ZRANB3: variants seen among roughly 807,000 people sequenced by gnomAD.
The protein encoded by ZRANB3 is zinc finger RANBP2-type containing 3.
In ZRANB3, 125 loss-of-function variants were observed where a neutral mutation model predicts 133.8. The observed-to-expected ratio is 0.93, with a 90% CI of 0.81 to 1.08. The LOEUF is 1.08. Among genes scored for constraint, ZRANB3 ranks in the 50% least tolerant of loss-of-function variants. The pLI is 0.00. For synonymous variants in ZRANB3, 387 were observed against 432.7 expected (o/e 0.89, Z 1.31); for missense variants, 1,229 against 1,275.5 (o/e 0.96, Z 0.56).
intron 3 of ZRANB3, among the ~76,000 whole-genome samples, chr2:135,357,994 G>T (rs749690613): frequency 1.9e-4 from 29 of 152,258 alleles, no homozygotes; most frequent in Non-Finnish European, 3.1e-4. Flanking sequence ...TTTACTCATT[G>T]TTGCCCTTAT....
chr2:135,405,385 G>A (rs908138033), intron 2 of ZRANB3, among the ~76,000 whole-genome samples: 1 of 152,024 alleles, frequency 6.6e-6, no homozygotes, highest in Admixed American at 6.6e-5. Context: ...ACTTTAACAT[G>A]CCACTGTCAA....
At chr2:135,518,735 T>C (rs16831776) in intron 1 of ZRANB3, among the ~76,000 whole-genome samples, 149 of 152,310 alleles carry the variant, frequency 9.8e-4, no homozygotes, top group African/African-American at 3.5e-3. Context: ...TCCTGTAACT[T>C]GTAGTTATGG....
intron 3 of ZRANB3, among the ~76,000 whole-genome samples, chr2:135,367,813 T>G (rs554785256): frequency 2.1e-4 from 32 of 152,276 alleles, no homozygotes; most frequent in African/African-American, 7.2e-4. Flanking sequence ...GATAGAGATG[T>G]CCCTTGTTTT....
At chr2:135,382,294 A>C (rs1265828846) in intron 3 of ZRANB3, among the ~76,000 whole-genome samples, 1 of 152,198 alleles carries the variant, frequency 6.6e-6, no homozygotes, top group Non-Finnish European at 1.5e-5. Flanking sequence ...GTTTAGAGAA[A>C]AAAGAATAAA....
intron 2 of ZRANB3, among the ~76,000 whole-genome samples, chr2:135,476,607 A>C (rs1462542107): frequency 6.6e-6 from 1 of 152,174 alleles, no homozygotes; most frequent in Non-Finnish European, 1.5e-5. Context: ...TAATGGTACT[A>C]AACACTAGGT....
intron 8 of ZRANB3, among the ~76,000 whole-genome samples, chr2:135,284,858 T>C (rs1386622990): frequency 1.3e-5 from 2 of 151,754 alleles, no homozygotes; most frequent in East Asian, 3.9e-4. Flanking sequence ...TTTCTTTTTT[T>C]TTTTGAGACA....
chr2:135,387,720 G>T (rs1358027849), intron 3 of ZRANB3, among the ~76,000 whole-genome samples: 2 of 152,152 alleles, frequency 1.3e-5, no homozygotes, highest in African/African-American at 4.8e-5. Flanking sequence ...AATTATGATG[G>T]ACAGGAAGGT....
At chr2:135,521,582 G>T in intron 1 of ZRANB3, among the ~76,000 whole-genome samples, 1 of 152,122 alleles carries the variant, frequency 6.6e-6, no homozygotes, top group Non-Finnish European at 1.5e-5. Context: ...CACTACAGAA[G>T]GTATTGGGTA....
intron 3 of ZRANB3, among the ~76,000 whole-genome samples, chr2:135,364,248 T>C (rs956567068): frequency 6.6e-6 from 1 of 152,154 alleles, no homozygotes; most frequent in Non-Finnish European, 1.5e-5. Flanking sequence ...AAAAAAATCT[T>C]AGCTTTGCCT....
At chr2:135,456,357 G>C (rs1690518370) in intron 2 of ZRANB3, among the ~76,000 whole-genome samples, 1 of 152,194 alleles carries the variant, frequency 6.6e-6, no homozygotes, top group African/African-American at 2.4e-5. Flanking sequence ...CATGTGGGAA[G>C]TGTCTTCTGC....
chr2:135,417,004 A>C (rs1247308711), intron 2 of ZRANB3, among the ~76,000 whole-genome samples: 1 of 152,180 alleles, frequency 6.6e-6, no homozygotes, highest in African/African-American at 2.4e-5. Flanking sequence ...AACCATAAAA[A>C]CCCTAGAAGA....
intron 3 of ZRANB3, among the ~76,000 whole-genome samples, chr2:135,369,715 T>A (rs1018179389): frequency 2.0e-5 from 3 of 152,200 alleles, no homozygotes; most frequent in African/African-American, 7.2e-5. Context: ...AGTCTCAACC[T>A]CAGTTCTGTG....
chr2:135,481,182 A>G (rs993055860), intron 2 of ZRANB3, among the ~76,000 whole-genome samples: 17 of 151,482 alleles, frequency 1.1e-4, no homozygotes, highest in African/African-American at 3.4e-4. Context: ...TCCCTGAGGA[A>G]TCGCCACACT....
chr2:135,467,153 T>A (rs1404761903), intron 2 of ZRANB3, among the ~76,000 whole-genome samples: 1 of 152,170 alleles, frequency 6.6e-6, no homozygotes, highest in Non-Finnish European at 1.5e-5. Flanking sequence ...TCTCCACATC[T>A]CCTAGACCCA....
At chr2:135,268,102 T>C (rs1381852943) in intron 11 of ZRANB3, among the ~76,000 whole-genome samples, 3 of 152,156 alleles carry the variant, frequency 2.0e-5, no homozygotes, top group African/African-American at 7.2e-5. Context: ...CTACCCAATA[T>C]AGATTGGTAC....
At chr2:135,284,165 A>C (rs1356638406) in intron 8 of ZRANB3, among the ~76,000 whole-genome samples, 1 of 152,202 alleles carries the variant, frequency 6.6e-6, no homozygotes, top group Non-Finnish European at 1.5e-5. Context: ...AAAGTCACTT[A>C]ATCTCTGTGC....
At chr2:135,439,849 A>G (rs1227512508) in intron 2 of ZRANB3, among the ~76,000 whole-genome samples, 1 of 152,218 alleles carries the variant, frequency 6.6e-6, no homozygotes, top group Non-Finnish European at 1.5e-5. Context: ...CAGAACCACT[A>G]CATAGGATGA....
At chr2:135,438,063 C>G (rs529786639) in intron 2 of ZRANB3, among the ~76,000 whole-genome samples, 1 of 152,218 alleles carries the variant, frequency 6.6e-6, no homozygotes, top group African/African-American at 2.4e-5. Context: ...CCGACTTGGA[C>G]TAAATATCAC....
At chr2:135,254,488 C>T (rs1679553638) in intron 12 of ZRANB3, among the ~76,000 whole-genome samples, 2 of 152,022 alleles carry the variant, frequency 1.3e-5, no homozygotes, top group South Asian at 2.1e-4. Context: ...TGGCTCACGC[C>T]TATAATCCCA....
Sources: gnomAD v4.1 joint callset for allele counts (sites outside exome capture counted in the v4.1 genomes callset) on GRCh38, gnomAD v4.1.1 for gene constraint, MANE v1.5 for transcripts, NCBI Gene and HGNC (gene_info 2026-07-23, HGNC 2026-07-21) for gene names.